The following TMEM260 variants were observed in gnomAD, a reference collection of about 807,000 sequenced individuals.
The protein encoded by TMEM260 is protein O-mannosyl-transferase TMEM260.
TMEM260 carries 82 observed loss-of-function variants against 88.9 expected under a neutral mutation model. The ratio of observed to expected loss-of-function variants is 0.92; its 90% CI spans 0.77 to 1.11. TMEM260 has a LOEUF of 1.11. Among genes scored for constraint, TMEM260 ranks in the 50% least tolerant of loss-of-function variants. TMEM260 has a pLI of 0.00. For missense variants in TMEM260, 902 were observed against 853.4 expected, an observed-to-expected ratio of 1.06 and a Z score of -0.71; for synonymous variants, 314 against 309.3, an observed-to-expected ratio of 1.02 and a Z score of -0.16.
Position 56,617,432 on chromosome 14 carries a change from G to A in TMEM260, c.1056+135G>A, listed in dbSNP as rs962222806. ...TTTATATACATTTTTATAAATCAAA[G>A]TTGAATTATTGAGTCAATACAGCTA... On this transcript the variant is annotated intron_variant, in intron 9 of 15. Transcript: ENST00000261556. 6.3e-5 allele frequency: 37 copies of A among 590,128 alleles called. No homozygotes were observed. In the Admixed American group the frequency reaches 7.0e-4, roughly 11 times the overall value. The allele number at this position is 590,128 out of a possible 1,614,324, so 36.6% of individuals were successfully genotyped here. A position where few individuals can be genotyped will look rare whatever the true frequency, so the allele number is the denominator to read the frequency against.
Position 56,636,609 on chromosome 14 carries a change from C to CT in TMEM260, c.1869+15dup, listed in dbSNP as rs1889106250. The CT allele has an allele frequency of 6.8e-6, 11 of 1,608,732 alleles. No individual in the cohort carries two copies. Among genetic ancestry groups the CT allele is most frequent in the Non-Finnish European group, 9.4e-6 (11 of 1,175,264 alleles). On this transcript the variant is annotated intron_variant, in intron 15 of 15. Coordinates refer to ENST00000261556, the MANE Select transcript of TMEM260 (RefSeq NM_017799.4). ...GCTCAAGCATATGACGTATGTTACA[C>CT]TTTTATATGTAGATATAGATATATT...
intron 2 of TMEM260, 60 bp downstream of exon 2, chr14:56,585,092 A>C: frequency 6.7e-7 from 1 of 1,482,330 alleles, no homozygotes; most frequent in Non-Finnish European, 9.3e-7. Flanking sequence ...GAATTAAGAA[A>C]GTTTAATTAA....
rs146645551 is a variant in TMEM260, at chr14:56,647,308, C to T, written c.1935C>T (p.Ile645=). ...HPVNWHKNYA[I]ACERMLRLQA... ...TGAATTGGCACAAGAACTATGCCAT[C>T]GCCTGTGAGCGGATGCTGCGTCTTC... The change falls in exon 16 of 16, where the codon ATC becomes ATT. Residue 645 remains isoleucine, a synonymous_variant. Coordinates refer to ENST00000261556, the MANE Select transcript of TMEM260 (RefSeq NM_017799.4). The T allele has an allele frequency of 8.3e-5, 134 of 1,614,128 alleles. No homozygotes were observed. The African/African-American group carries it at 1.2e-3, about 15-fold the overall frequency.
chr14:56,594,193 G>A (rs1886068146), intron 3 of TMEM260, among the ~76,000 whole-genome samples: 1 of 152,038 alleles, frequency 6.6e-6, no homozygotes, highest in Non-Finnish European at 1.5e-5. Flanking sequence ...GATTGAGAAT[G>A]GAAAACATTT....
At chr14:56,637,818 A>G (rs906091774) in intron 15 of TMEM260, among the ~76,000 whole-genome samples, 1 of 151,816 alleles carries the variant, frequency 6.6e-6, no homozygotes, top group Non-Finnish European at 1.5e-5. Context: ...CACCCACTCC[A>G]TAGCAAATAG....
chr14:56,648,485 A>G lies in TMEM260; in HGVS notation c.*988A>G, dbSNP rs1037239571. 6.6e-5 allele frequency: 10 copies of G among 152,610 alleles called. No individual in the cohort carries two copies. In the South Asian group the frequency reaches 8.3e-4, roughly 13 times the overall value. 9.5% of individuals were successfully genotyped at this position (152,610 alleles called of 1,614,324 possible). On this transcript the variant is annotated 3_prime_UTR_variant, in exon 16 of 16. Coordinates refer to ENST00000261556, the MANE Select transcript of TMEM260 (RefSeq NM_017799.4). ...ATCTGTAGGGCTTCTTTTCCCCCCA[A>G]TTGTATAGCTCCTAGACTCCAAGCA...
intron 2 of TMEM260, chr14:56,585,553 A>C: frequency 1.9e-6 from 1 of 531,866 alleles, no homozygotes. Context: ...GTGACGCACC[A>C]TGTGATAGAC....
At chr14:56,643,014 ATAAT>A (rs1338717210) in intron 15 of TMEM260, among the ~76,000 whole-genome samples, 1 of 152,206 alleles carries the variant, frequency 6.6e-6, no homozygotes, top group African/African-American at 2.4e-5. Flanking sequence ...AATTGAGGCA[ATAAT>A]TAATAGCTTA....
intron 13 of TMEM260, 159 bp downstream of exon 13, chr14:56,633,330 C>T: frequency 1.7e-6 from 1 of 574,758 alleles, no homozygotes; most frequent in Non-Finnish European, 2.9e-6. Flanking sequence ...AGAAAGAGAA[C>T]ATGTCCTTCT....
intron 7 of TMEM260, chr14:56,615,673 C>T: frequency 2.7e-6 from 1 of 367,648 alleles, no homozygotes; most frequent in East Asian, 4.5e-5. Context: ...TACAGTATAC[C>T]AATATAAAAA....
intron 1 of TMEM260, among the ~76,000 whole-genome samples, chr14:56,583,845 G>C (rs1047076381): frequency 7.2e-5 from 11 of 152,148 alleles, no homozygotes; most frequent in Non-Finnish European, 1.6e-4. Context: ...TGACTGGAGG[G>C]AACATAGGTT....
intron 1 of TMEM260, 44 bp from the exon 2 acceptor site, chr14:56,584,957 C>T (rs1392986676): frequency 6.4e-7 from 1 of 1,571,610 alleles, no homozygotes. Context: ...GGAGGAGTGT[C>T]ATTCTCTAAT....
intron 11 of TMEM260, among the ~76,000 whole-genome samples, chr14:56,624,357 T>C (rs374478906): frequency 1.3e-5 from 2 of 152,188 alleles, no homozygotes; most frequent in African/African-American, 4.8e-5. Flanking sequence ...GTGGAGCACT[T>C]GAGGCCAGGA....
At chr14:56,620,228 C>G (rs1221597618) in intron 10 of TMEM260, among the ~76,000 whole-genome samples, 1 of 152,154 alleles carries the variant, frequency 6.6e-6, no homozygotes, top group Non-Finnish European at 1.5e-5. Flanking sequence ...ATCTGTGCAA[C>G]AAACCCTGTG....
intron 15 of TMEM260, among the ~76,000 whole-genome samples, chr14:56,641,184 G>T (rs570484761): frequency 1.7e-4 from 25 of 151,396 alleles, no homozygotes; most frequent in Admixed American, 3.3e-4. Context: ...GATACTCCTC[G>T]AGAAGAGCAA....
At chr14:56,617,139 C>G in intron 8 of TMEM260, 44 bp from the exon 9 acceptor site, 1 of 1,149,582 alleles carries the variant, frequency 8.7e-7, no homozygotes, top group African/African-American at 1.6e-5. Flanking sequence ...ATTTGACATT[C>G]ATGTATCTAA....
In TMEM260 at chr14:56,647,419, A is replaced by T; in HGVS notation, c.2046A>T (p.Pro682=). The T allele has an allele frequency of 6.2e-7, 1 of 1,614,208 alleles. No individual in the cohort carries two copies. Among genetic ancestry groups the T allele is most frequent in the Non-Finnish European group, 8.5e-7 (1 of 1,180,040 alleles). Residue 682 remains proline, a synonymous_variant, in exon 16 of 16, where the codon CCA becomes CCT. Coordinates refer to ENST00000261556, the MANE Select transcript of TMEM260 (RefSeq NM_017799.4). Reference sequence around the variant, plus strand: ...ACTCTCAGAAAGCACCGAATGACCCACAGCAAGCTGATATTTTAGGTGCTC... The same window carrying T: ...ACTCTCAGAAAGCACCGAATGACCCTCAGCAAGCTGATATTTTAGGTGCTC... ...RLYSQKAPND[P]QQADILGALK...
At chr14:56,606,640 C>G (rs893660412) in intron 5 of TMEM260, among the ~76,000 whole-genome samples, 39 of 152,284 alleles carry the variant, frequency 2.6e-4, no homozygotes, top group African/African-American at 8.9e-4. Flanking sequence ...GCCTGTAATC[C>G]TAGCACTTTG....
chr14:56,617,562 A>G (rs924267588), intron 9 of TMEM260, among the ~76,000 whole-genome samples: 1 of 152,202 alleles, frequency 6.6e-6, no homozygotes, highest in Non-Finnish European at 1.5e-5. Flanking sequence ...GTGCTTGCAA[A>G]TATAGGTACA....
Sources: allele counts gnomAD v4.1 joint callset (sites outside exome capture counted in the v4.1 genomes callset), GRCh38; gene constraint gnomAD v4.1.1; transcripts MANE v1.5; gene names NCBI Gene and HGNC (gene_info 2026-07-23, HGNC 2026-07-21).